The following SHB variants were observed in gnomAD, a reference collection of about 807,000 sequenced individuals.
The protein encoded by SHB is SH2 domain-containing adapter protein B.
In SHB, 20 loss-of-function variants were observed where a neutral mutation model predicts 52.3. The ratio of observed to expected loss-of-function variants is 0.38; its 90% CI spans 0.27 to 0.56. The LOEUF (loss-of-function observed/expected upper bound fraction) is 0.56, where lower values mean the gene tolerates loss of function less well. Among genes scored for constraint, SHB ranks in the 20% least tolerant of loss-of-function variants. SHB has a pLI of 0.71. For missense variants in SHB, 825 were observed against 723.3 expected (o/e 1.14, Z -1.61); for synonymous variants, 397 against 316.5 (o/e 1.25, Z -2.70).
At chr9:38,011,228 A>AC (rs2118065710) in intron 2 of SHB, among the ~76,000 whole-genome samples, 1 of 152,318 alleles carries the variant, frequency 6.6e-6, no homozygotes, top group South Asian at 2.1e-4. Flanking sequence ...CACTGCCTCA[A>AC]CAGGAGGCTT....
At chr9:38,049,639 A>G (rs1395637920) in intron 1 of SHB, among the ~76,000 whole-genome samples, 1 of 150,064 alleles carries the variant, frequency 6.7e-6, no homozygotes, top group Non-Finnish European at 1.5e-5. Flanking sequence ...ACAAAGCAAA[A>G]AAAAAAAAAA....
rs1051096127 is a variant in SHB at position 37,953,104 on chromosome 9, C to G, written c.1226+2779G>C. ...AGAGTGGCCAGGGAGGCAGGAGGAG[C>G]ACCAGGCCCAGAGGCCCAGAAGGAG... On this transcript the variant is annotated intron_variant, in intron 4 of 5. Transcript: ENST00000377707. 4.6e-5 allele frequency among the ~76,000 whole-genome samples: 7 copies of G among 152,070 alleles called. 1 individual carries two copies. Among genetic ancestry groups the G allele is most frequent in the Admixed American group, 4.6e-4 (7 of 15,290 alleles).
At chr9:38,030,273 C>A (rs550044143) in intron 1 of SHB, among the ~76,000 whole-genome samples, 1 of 152,192 alleles carries the variant, frequency 6.6e-6, no homozygotes, top group African/African-American at 2.4e-5. Context: ...CAACTTCCCC[C>A]CTCAGAGATG....
At chr9:38,009,739 G>GC (rs1315232822) in intron 2 of SHB, among the ~76,000 whole-genome samples, 2 of 152,196 alleles carry the variant, frequency 1.3e-5, no homozygotes, top group Non-Finnish European at 2.9e-5. Context: ...TCTGGACGGT[G>GC]CCTACTAGCA....
intron 1 of SHB, among the ~76,000 whole-genome samples, chr9:38,019,674 C>T (rs1019482002): frequency 6.6e-6 from 1 of 152,198 alleles, no homozygotes; most frequent in African/African-American, 2.4e-5. Flanking sequence ...ACAAGGGTAA[C>T]TTTGGGCAGA....
chr9:38,048,328 T>C (rs1821685970), intron 1 of SHB, among the ~76,000 whole-genome samples: 1 of 152,254 alleles, frequency 6.6e-6, no homozygotes, highest in South Asian at 2.1e-4. Flanking sequence ...TTCATCATTT[T>C]TTATATCCTG....
At chr9:37,952,202 T>A (rs1832574630) in intron 4 of SHB, among the ~76,000 whole-genome samples, 2 of 152,158 alleles carry the variant, frequency 1.3e-5, no homozygotes, top group African/African-American at 4.8e-5. Flanking sequence ...TATGCAGGCA[T>A]CCTGGGGTTA....
At chr9:38,024,076 G>A (rs1821312558) in intron 1 of SHB, among the ~76,000 whole-genome samples, 1 of 152,212 alleles carries the variant, frequency 6.6e-6, no homozygotes, top group Admixed American at 6.5e-5. Context: ...CTCCATTTAG[G>A]ATTGGTTTGC....
At chr9:37,995,531 C>T (rs920439652) in intron 2 of SHB, among the ~76,000 whole-genome samples, 1 of 152,208 alleles carries the variant, frequency 6.6e-6, no homozygotes, top group African/African-American at 2.4e-5. Flanking sequence ...GTGCTCCAAG[C>T]CTGGGGAGCA....
At chr9:37,933,364 T>G (rs1165003547) in intron 5 of SHB, among the ~76,000 whole-genome samples, 1 of 152,208 alleles carries the variant, frequency 6.6e-6, no homozygotes, top group Admixed American at 6.5e-5. Context: ...ATCTACATGA[T>G]GAAGAGACAA....
At chr9:37,939,101 A>C (rs1045695362) in intron 5 of SHB, among the ~76,000 whole-genome samples, 1 of 152,094 alleles carries the variant, frequency 6.6e-6, no homozygotes, top group East Asian at 1.9e-4. Flanking sequence ...CTCCTGATCT[A>C]TATCACACAC....
chr9:38,060,545 T>C (rs1476436996), intron 1 of SHB, among the ~76,000 whole-genome samples: 1 of 152,108 alleles, frequency 6.6e-6, no homozygotes, highest in Non-Finnish European at 1.5e-5. Flanking sequence ...AAAATGAAAA[T>C]AGAAGTAGCA....
chr9:38,060,162 T>G (rs1172395868), intron 1 of SHB, among the ~76,000 whole-genome samples: 2 of 152,094 alleles, frequency 1.3e-5, no homozygotes, highest in African/African-American at 4.8e-5. Context: ...TTACTGGCTG[T>G]CTGACTTTAT....
intron 2 of SHB, among the ~76,000 whole-genome samples, chr9:37,978,388 C>T (rs1820679316): frequency 6.6e-6 from 1 of 152,092 alleles, no homozygotes; most frequent in Non-Finnish European, 1.5e-5. Flanking sequence ...CATTACATGG[C>T]GAATTCAAAT....
chr9:37,934,270 C>T (rs1832344475), intron 5 of SHB, among the ~76,000 whole-genome samples: 1 of 152,170 alleles, frequency 6.6e-6, no homozygotes, highest in African/African-American at 2.4e-5. Context: ...ATCTCTTGAG[C>T]ACCCTAAAAG....
intron 3 of SHB, among the ~76,000 whole-genome samples, chr9:37,970,731 A>T (rs1161127201): frequency 6.6e-6 from 1 of 151,874 alleles, no homozygotes; most frequent in Non-Finnish European, 1.5e-5. Context: ...TGCCTCGCTC[A>T]AGCTTCTGCT....
At chr9:37,997,347 C>CCTCT (rs1564097699) in intron 2 of SHB, among the ~76,000 whole-genome samples, 2 of 152,208 alleles carry the variant, frequency 1.3e-5, no homozygotes, top group Non-Finnish European at 2.9e-5. Flanking sequence ...ACTAGCTAGT[C>CCTCT]CTCTCCTCCA....
intron 2 of SHB, among the ~76,000 whole-genome samples, chr9:38,009,016 G>A (rs932165781): frequency 1.3e-5 from 2 of 152,224 alleles, no homozygotes; most frequent in Non-Finnish European, 2.9e-5. Flanking sequence ...AGTGCTGCCT[G>A]GAACCAGGGG....
rs1822011203 is a variant in SHB, at chr9:38,068,613, C to T, written c.33G>A (p.Leu11=). The T allele has an allele frequency of 2.0e-6, 3 of 1,490,666 alleles. No homozygotes were observed. The highest frequency in any genetic ancestry group is 1.3e-5 in the South Asian group (1 of 77,608). 92.3% of individuals were successfully genotyped at this position (1,490,666 alleles called of 1,614,324 possible). A position where few individuals can be genotyped will look rare whatever the true frequency, so the allele number is the denominator to read the frequency against. ...GGGGGCTCTTGGTCTTGCTGTTGCC[C>T]AAGCTGAAGTACTTGTTTAGCCACT... MAKWLNKYFS[L]GNSKTKSPPQ... Residue 11 remains leucine (L), a synonymous_variant, in exon 1 of 6, where the codon TTG becomes TTA. Transcript: ENST00000377707.
Sources: allele counts gnomAD v4.1 joint callset (sites outside exome capture counted in the v4.1 genomes callset), GRCh38; gene constraint gnomAD v4.1.1; transcripts MANE v1.5; gene names NCBI Gene and HGNC (gene_info 2026-07-23, HGNC 2026-07-21).